The following IRAK1BP1 variants were observed in gnomAD, a reference collection of about 807,000 sequenced individuals.
The protein encoded by IRAK1BP1 is interleukin-1 receptor-associated kinase 1-binding protein 1.
IRAK1BP1 carries 24 observed loss-of-function variants against 28.0 expected under a neutral mutation model. The ratio of observed to expected loss-of-function variants is 0.86; its 90% CI spans 0.62 to 1.20. The LOEUF is 1.20. IRAK1BP1 is among the 50% of genes most tolerant of loss of function. The probability of loss-of-function intolerance (pLI) is 0.00; values close to 1 mark genes in which losing one functional copy is unlikely to be tolerated. For synonymous variants in IRAK1BP1, 131 were observed against 116.3 expected, an observed-to-expected ratio of 1.13 and a Z score of -0.81; for missense variants, 336 against 316.7, an observed-to-expected ratio of 1.06 and a Z score of -0.46.
rs777275608 is a variant in IRAK1BP1, at chr6:78,897,940, G to A, written c.493G>A (p.Gly165Ser). 6 of 1,613,734 alleles carry A rather than the reference G, an allele frequency of 3.7e-6. No homozygotes were observed. In the East Asian group the frequency reaches 1.1e-4, roughly 30 times the overall value. The change falls in exon 3 of 4, where the codon GGT (glycine) becomes AGT (serine). Residue 165 changes from glycine to serine, a missense_variant. Physicochemically the swap from Gly to Ser is moderately conservative, Grantham distance 56 (BLOSUM62 0). Transcript: ENST00000369940. Reference sequence around the variant, plus strand: ...CCCACCCCAGTTCTATCATACTCCAGGTTCTGTTGAGAATCTTCGGTAAGT... The same window carrying A: ...CCCACCCCAGTTCTATCATACTCCAAGTTCTGTTGAGAATCTTCGGTAAGT... ...ISPPQFYHTPGSVENLRRQAC... is the reference protein window; with the variant it reads ...ISPPQFYHTPSSVENLRRQAC...
At chr6:78,909,141 T>A (rs985583631) in intron 4 of IRAK1BP1, among the ~76,000 whole-genome samples, 3 of 152,240 alleles carry the variant, frequency 2.0e-5, no homozygotes, top group Non-Finnish European at 4.4e-5. Context: ...CAGATGATCC[T>A]AACTTACGAT....
At chr6:78,869,691 A>G (rs1770722243) in intron 1 of IRAK1BP1, among the ~76,000 whole-genome samples, 1 of 152,228 alleles carries the variant, frequency 6.6e-6, no homozygotes. Context: ...ATATTTTCAG[A>G]ATGAATTATG....
chr6:78,927,979 A>G (rs1487351565), intron 4 of IRAK1BP1, among the ~76,000 whole-genome samples: 1 of 152,072 alleles, frequency 6.6e-6, no homozygotes, highest in Non-Finnish European at 1.5e-5. Context: ...TGATTCCTCC[A>G]GTTTTGTTCC....
intron 2 of IRAK1BP1, among the ~76,000 whole-genome samples, chr6:78,894,582 TA>T (rs1771812181): frequency 1.3e-5 from 2 of 152,168 alleles, no homozygotes; most frequent in Non-Finnish European, 2.9e-5. Context: ...AAAAATGATA[TA>T]ACTACAAGGA....
intron 1 of IRAK1BP1, among the ~76,000 whole-genome samples, chr6:78,875,618 G>C (rs566220029): frequency 6.6e-6 from 1 of 152,266 alleles, no homozygotes; most frequent in East Asian, 1.9e-4. Context: ...TCCTACCCCA[G>C]TGCAGAAACA....
intron 4 of IRAK1BP1, among the ~76,000 whole-genome samples, chr6:78,941,787 T>A (rs996529530): frequency 6.6e-6 from 1 of 152,192 alleles, no homozygotes; most frequent in Non-Finnish European, 1.5e-5. Flanking sequence ...TAGGAAATAC[T>A]GATTATATAT....
chr6:78,950,250 A>G (rs1209775221), downstream of IRAK1BP1, among the ~76,000 whole-genome samples: 1 of 152,212 alleles, frequency 6.6e-6, no homozygotes, highest in Non-Finnish European at 1.5e-5. Context: ...GTCATGGTAT[A>G]AAATCATTTT....
At chr6:78,959,721 T>G in the IRAK1BP1 span, among the ~76,000 whole-genome samples, 2 of 152,228 alleles carry the variant, frequency 1.3e-5, no homozygotes, top group East Asian at 3.9e-4. Context: ...CTTTCAAATG[T>G]TTTTTTCCTA....
chr6:78,875,823 C>T (rs575989083), intron 1 of IRAK1BP1, among the ~76,000 whole-genome samples: 2 of 152,114 alleles, frequency 1.3e-5, no homozygotes, highest in South Asian at 4.2e-4. Flanking sequence ...ACGCAATGTA[C>T]CCATGTAACA....
chr6:78,934,860 T>C (rs1183517507), intron 4 of IRAK1BP1, among the ~76,000 whole-genome samples: 1 of 152,220 alleles, frequency 6.6e-6, no homozygotes, highest in African/African-American at 2.4e-5. Context: ...TTCATTACAC[T>C]GTGCTGCCAG....
At chr6:78,881,970 A>C (rs1771245297) in intron 1 of IRAK1BP1, among the ~76,000 whole-genome samples, 1 of 152,106 alleles carries the variant, frequency 6.6e-6, no homozygotes, top group African/African-American at 2.4e-5. Flanking sequence ...CAGGTGGAAA[A>C]ATACAGAAAA....
chr6:78,939,174 A>C (rs1026682374), intron 4 of IRAK1BP1: 13 of 151,810 alleles, frequency 8.6e-5, no homozygotes, highest in Non-Finnish European at 1.9e-4. Context: ...ATAAACAAAT[A>C]AATAACTGCT....
intron 1 of IRAK1BP1, among the ~76,000 whole-genome samples, chr6:78,871,070 A>G (rs1052546666): frequency 1.2e-4 from 19 of 152,168 alleles, no homozygotes; most frequent in African/African-American, 4.3e-4. Flanking sequence ...ATGAAAAACC[A>G]TAGCCTGGGT....
In IRAK1BP1 at chr6:78,899,850, A is replaced by G. The variant is rs1004606440; in HGVS notation, c.*1516A>G. 96 of 152,242 alleles carry G rather than the reference A, an allele frequency of 6.3e-4. 1 individual carries two copies. Among genetic ancestry groups the G allele is most frequent in the African/African-American group, 2.3e-3 (94 of 41,476 alleles). The allele number at this position is 152,242 out of a possible 1,614,324, so 9.4% of individuals were successfully genotyped here. A position where few individuals can be genotyped will look rare whatever the true frequency, so the allele number is the denominator to read the frequency against. ...ATCAAAAATATTATTTCAGCATGTA[A>G]TCAGTATTTTTTAAATTGAGATATT... On this transcript the variant is annotated 3_prime_UTR_variant, in exon 4 of 4. Coordinates refer to ENST00000369940, the MANE Select transcript of IRAK1BP1 (RefSeq NM_001010844.4).
At chr6:78,919,398 C>A (rs139075284) in intron 4 of IRAK1BP1, among the ~76,000 whole-genome samples, 1 of 152,180 alleles carries the variant, frequency 6.6e-6, no homozygotes, top group Non-Finnish European at 1.5e-5. Context: ...ATCAATGAGA[C>A]CCAAAGCTGG....
In IRAK1BP1 at chr6:78,938,309, T is replaced by G. The variant is rs1199233608; in HGVS notation, c.*68-7099T>G. ...AGAACAGGAATAATACATTTACATG[T>G]TATAGGAAAGATGGTAAATACTCAT... On this transcript the variant is annotated intron_variant and NMD_transcript_variant, in intron 4 of 4. Coordinates refer to the IRAK1BP1 transcript ENST00000606868. The G allele has an allele frequency of 2.0e-5, 3 of 151,744 alleles. No individual in the cohort carries two copies. In the East Asian group the frequency reaches 5.8e-4, roughly 29 times the overall value. The allele number at this position is 151,744 out of a possible 1,614,324, so 9.4% of individuals were successfully genotyped here.
intron 4 of IRAK1BP1, chr6:78,937,693 T>C (rs1484361249): frequency 6.6e-6 from 1 of 150,518 alleles, no homozygotes; most frequent in Non-Finnish European, 1.5e-5. Flanking sequence ...ATCTTTAGTT[T>C]ATAATACATG....
At chr6:78,945,446 G>A in exon 5 of IRAK1BP1, 1 of 1,610,812 alleles carries the variant, frequency 6.2e-7, no homozygotes, top group Non-Finnish European at 8.5e-7. Context: ...GGATTGACCA[G>A]GACTGGAAAG....
chr6:78,877,014 T>C (rs1374767608), intron 1 of IRAK1BP1, among the ~76,000 whole-genome samples: 1 of 152,150 alleles, frequency 6.6e-6, no homozygotes, highest in Non-Finnish European at 1.5e-5. Flanking sequence ...CAAAGGACCT[T>C]AGGAGTGTTT....
Sources: gnomAD v4.1 joint callset for allele counts (sites outside exome capture counted in the v4.1 genomes callset) on GRCh38, gnomAD v4.1.1 for gene constraint, MANE v1.5 for transcripts, NCBI Gene and HGNC (gene_info 2026-07-23, HGNC 2026-07-21) for gene names.